Variants in SYTL2 observed in about 807,000 individuals in gnomAD.
SYTL2 encodes the protein synaptotagmin-like protein 2.
In SYTL2, 165 loss-of-function variants were observed where a neutral mutation model predicts 198.7. The ratio of observed to expected loss-of-function variants is 0.83; its 90% confidence interval spans 0.73 to 0.94. SYTL2 has a LOEUF of 0.94. Ranked by LOEUF, SYTL2 falls within the 40% of genes least tolerant of loss-of-function variation. The pLI is 0.00. For missense variants in SYTL2, 2,835 were observed against 2,582.8 expected (o/e 1.10, Z -2.12); for synonymous variants, 966 against 917.7 (o/e 1.05, Z -0.95).
chr11:85,747,607 C>T (rs762651316), intron 3 of SYTL2, among the ~76,000 whole-genome samples: 2 of 152,108 alleles, frequency 1.3e-5, no homozygotes, highest in Non-Finnish European at 2.9e-5. Context: ...AGGCAATAAG[C>T]AGGTGAAGAA....
chr11:85,743,291 G>A (rs1337235822), intron 4 of SYTL2, among the ~76,000 whole-genome samples: 3 of 152,182 alleles, frequency 2.0e-5, no homozygotes, highest in Non-Finnish European at 4.4e-5. Flanking sequence ...GAGTAAGGTA[G>A]TAGTTTCTAA....
At chr11:85,835,673 C>T in the SYTL2 span, among the ~76,000 whole-genome samples, 2 of 152,168 alleles carry the variant, frequency 1.3e-5, no homozygotes, top group African/African-American at 4.8e-5. Context: ...AACTCTCCTG[C>T]TCCAGTTGGG....
At chr11:85,767,926 A>G (rs1388445837) in intron 1 of SYTL2, among the ~76,000 whole-genome samples, 9 of 152,196 alleles carry the variant, frequency 5.9e-5, no homozygotes, top group African/African-American at 2.4e-5. Flanking sequence ...AGGCACCCAG[A>G]GCACAAAATA....
the SYTL2 span, among the ~76,000 whole-genome samples, chr11:85,847,225 C>A: frequency 4.6e-5 from 7 of 152,150 alleles, no homozygotes; most frequent in Non-Finnish European, 1.5e-5. Flanking sequence ...CAATCCCACA[C>A]CCCAGCCCCT....
In SYTL2 at chr11:85,695,190, T is replaced by C; in HGVS notation, c.*5A>G. On this transcript the variant is annotated 3_prime_UTR_variant, in exon 20 of 20. Transcript: ENST00000359152. ...TTTCAGTGGAGGAGCCAGTGGAATT[T>C]GGGCTCATTTGGAAATCTTGGCAAT... is the stretch of plus-strand genomic sequence containing the variant. 6.2e-7 allele frequency: 1 copy of C among 1,609,832 alleles called. No homozygotes were observed. Among genetic ancestry groups the C allele is most frequent in the South Asian group, 1.1e-5 (1 of 90,560 alleles).
At chr11:85,749,301 GGA>G (rs1391706709) in intron 2 of SYTL2, among the ~76,000 whole-genome samples, 2 of 152,112 alleles carry the variant, frequency 1.3e-5, no homozygotes, top group Admixed American at 6.5e-5. Flanking sequence ...AGAATAAAGT[GGA>G]ATAAAAGCTG....
At chr11:85,711,595 A>T (rs2086295011) in intron 12 of SYTL2, among the ~76,000 whole-genome samples, 1 of 152,184 alleles carries the variant, frequency 6.6e-6, no homozygotes, top group South Asian at 2.1e-4. Flanking sequence ...AATTAACTTT[A>T]CCCAGATAAT....
intron 4 of SYTL2, among the ~76,000 whole-genome samples, chr11:85,741,943 G>A (rs1209665719): frequency 6.6e-6 from 1 of 152,160 alleles, no homozygotes; most frequent in Admixed American, 6.5e-5. Flanking sequence ...AGGTGTAAAT[G>A]CACAGTTTTT....
intron 15 of SYTL2, among the ~76,000 whole-genome samples, chr11:85,705,924 CTGAG>C (rs1231781822): frequency 6.6e-6 from 1 of 152,128 alleles, no homozygotes; most frequent in Non-Finnish European, 1.5e-5. Context: ...CCATGGATGA[CTGAG>C]TGTTGATTTA....
chr11:85,840,188 A>G, the SYTL2 span, among the ~76,000 whole-genome samples: 1,141 of 152,140 alleles, frequency 7.5e-3, 17 homozygotes, highest in African/African-American at 0.026. Context: ...CTGGTTATTA[A>G]TCCCTTGTCA....
At chr11:85,799,565 C>G (rs1330094689) in intron 1 of SYTL2, among the ~76,000 whole-genome samples, 1 of 152,234 alleles carries the variant, frequency 6.6e-6, no homozygotes, top group East Asian at 1.9e-4. Flanking sequence ...TCTTCATGAT[C>G]AGCCCACTAC....
chr11:85,758,613 C>T (rs2091985219), intron 1 of SYTL2, among the ~76,000 whole-genome samples: 1 of 152,160 alleles, frequency 6.6e-6, no homozygotes, highest in African/African-American at 2.4e-5. Context: ...TATTCTTCAT[C>T]CAGTCTCACT....
intron 14 of SYTL2, 111 bp from the exon 15 acceptor site, chr11:85,707,642 C>T (rs955248833): frequency 7.0e-6 from 5 of 719,186 alleles, no homozygotes; most frequent in African/African-American, 3.6e-5. Context: ...TTTCATGACA[C>T]TGAGAAAAGC....
chr11:85,737,762 T>G (rs1591823118), intron 4 of SYTL2, 106 bp from the exon 5 acceptor site: 1 of 856,248 alleles, frequency 1.2e-6, no homozygotes, highest in Non-Finnish European at 1.9e-6. Flanking sequence ...AGGAAGCTGG[T>G]GCAGAAGAAT....
chr11:85,771,246 T>C (rs889651842), intron 1 of SYTL2, among the ~76,000 whole-genome samples: 2 of 152,148 alleles, frequency 1.3e-5, no homozygotes, highest in Non-Finnish European at 2.9e-5. Context: ...GTTTCACCTT[T>C]AGACACTTCA....
intron 17 of SYTL2, among the ~76,000 whole-genome samples, chr11:85,699,422 AT>A (rs1374807027): frequency 6.6e-6 from 1 of 152,216 alleles, no homozygotes; most frequent in Non-Finnish European, 1.5e-5. Context: ...GGGAAATGGG[AT>A]TTCTATGAAT....
At chr11:85,735,817 C>G (rs968237728) in intron 6 of SYTL2, among the ~76,000 whole-genome samples, 1 of 151,528 alleles carries the variant, frequency 6.6e-6, no homozygotes. Context: ...TTTTCTTCTA[C>G]AAAATATTTT....
chr11:85,844,564 G>A, the SYTL2 span, among the ~76,000 whole-genome samples: 2 of 152,160 alleles, frequency 1.3e-5, no homozygotes, highest in Non-Finnish European at 2.9e-5. Flanking sequence ...TGGTGTGGAG[G>A]TGGGCATCTC....
intron 2 of SYTL2, among the ~76,000 whole-genome samples, chr11:85,752,917 TAAAAAAAA>T (rs1162431708): frequency 2.8e-4 from 5 of 17,720 alleles, no homozygotes; most frequent in African/African-American, 5.5e-4. Flanking sequence ...CTGCCTTCAT[TAAAAAAAA>T]AAAAAAAAAA....
Sources: gnomAD v4.1 joint callset for allele counts (sites outside exome capture counted in the v4.1 genomes callset) on GRCh38, gnomAD v4.1.1 for gene constraint, MANE v1.5 for transcripts, NCBI Gene and HGNC (gene_info 2026-07-23, HGNC 2026-07-21) for gene names.